Variants in ELAC1 observed in about 807,000 individuals in gnomAD.
ELAC1 encodes the protein elaC ribonuclease Z 1.
Under a neutral mutation model 25.8 loss-of-function variants are expected in ELAC1, and 19 were observed. That is an observed-to-expected ratio of 0.74 (90% CI 0.51 to 1.08). ELAC1 has a LOEUF of 1.08. ELAC1 is among the 50% of genes least tolerant of loss of function. ELAC1 has a pLI of 0.00. For missense variants in ELAC1, 403 were observed against 434.6 expected (o/e 0.93, Z 0.65); for synonymous variants, 148 against 160.9 (o/e 0.92, Z 0.61).
intron 3 of ELAC1, 175 bp downstream of exon 3, chr18:50,984,738 C>T (rs1908055226): frequency 3.3e-6 from 2 of 605,622 alleles, no homozygotes; most frequent in Non-Finnish European, 5.8e-6. Flanking sequence ...TCAAGACCAG[C>T]CTGGGCAACA....
chr18:50,980,763 GAAAAA>G (rs761954317), intron 2 of ELAC1, among the ~76,000 whole-genome samples: 1 of 67,842 alleles, frequency 1.5e-5, no homozygotes, highest in Non-Finnish European at 3.3e-5. Flanking sequence ...ACTCCATCTC[GAAAAA>G]AAAAAAAAAA....
chr18:50,978,222 C>T (rs1907846475), intron 2 of ELAC1, among the ~76,000 whole-genome samples: 2 of 152,192 alleles, frequency 1.3e-5, no homozygotes, highest in Non-Finnish European at 2.9e-5. Context: ...GTTCCAAAGT[C>T]ACTTCCACAT....
intron 2 of ELAC1, among the ~76,000 whole-genome samples, chr18:50,978,188 G>A (rs1418779764): frequency 6.6e-6 from 1 of 152,110 alleles, no homozygotes; most frequent in East Asian, 1.9e-4. Context: ...CCTCCAAACT[G>A]TTCCAGCCTC....
chr18:50,971,256 G>A (rs560873870), intron 1 of ELAC1, among the ~76,000 whole-genome samples: 4 of 152,090 alleles, frequency 2.6e-5, no homozygotes, highest in Non-Finnish European at 4.4e-5. Context: ...ATTATTCTCC[G>A]AAAGCCTAAT....
chr18:50,984,931 CA>C (rs950038009), intron 3 of ELAC1: 7,553 of 222,462 alleles, frequency 0.034, no homozygotes, highest in Middle Eastern at 0.062. Context: ...AACTCTGTCT[CA>C]AAAAAAAAAA....
intron 1 of ELAC1, among the ~76,000 whole-genome samples, chr18:50,974,096 T>A (rs1214355253): frequency 2.0e-5 from 3 of 152,242 alleles, no homozygotes. Context: ...CGATTTTTAC[T>A]GTCTCCATAG....
chr18:50,981,385 C>T (rs897286992), intron 2 of ELAC1, among the ~76,000 whole-genome samples: 1 of 151,764 alleles, frequency 6.6e-6, no homozygotes, highest in Non-Finnish European at 1.5e-5. Context: ...CTTGGCATAA[C>T]CTGCTTTTTT....
chr18:50,970,801 C>G (rs755160866), intron 1 of ELAC1, among the ~76,000 whole-genome samples: 1 of 151,790 alleles, frequency 6.6e-6, no homozygotes, highest in Non-Finnish European at 1.5e-5. Context: ...GTTAACCCCC[C>G]GCACAGCCCC....
At chr18:50,968,239 C>T (rs569226270) in intron 1 of ELAC1, 125 bp downstream of exon 1, 37 of 152,102 alleles carry the variant, frequency 2.4e-4, no homozygotes, top group African/African-American at 8.4e-4. Flanking sequence ...GGACGCGCCT[C>T]GTTCACCGCC....
intron 2 of ELAC1, among the ~76,000 whole-genome samples, chr18:50,977,679 T>TA (rs1907830267): frequency 6.6e-6 from 1 of 152,248 alleles, no homozygotes; most frequent in African/African-American, 2.4e-5. Flanking sequence ...CCTCATTACT[T>TA]ACACAAATTT....
intron 2 of ELAC1, among the ~76,000 whole-genome samples, chr18:50,978,301 C>G (rs1317046857): frequency 6.6e-6 from 1 of 152,028 alleles, no homozygotes; most frequent in Non-Finnish European, 1.5e-5. Flanking sequence ...CATTTTCATA[C>G]TGCTATGAAG....
At chr18:50,986,093 C>T (rs1292799734) in intron 3 of ELAC1, among the ~76,000 whole-genome samples, 1 of 141,594 alleles carries the variant, frequency 7.1e-6, no homozygotes, top group Admixed American at 7.6e-5. Context: ...TCAGCTCGCT[C>T]ACTGCAACTT....
intron 2 of ELAC1, among the ~76,000 whole-genome samples, chr18:50,981,493 A>G (rs557719354): frequency 2.4e-4 from 36 of 152,204 alleles, no homozygotes; most frequent in African/African-American, 8.2e-4. Context: ...TCAATATTCC[A>G]TTCCTCTGTG....
chr18:50,987,165 T>A lies in ELAC1; in HGVS notation c.*80T>A. 2 of 1,078,148 alleles carry A rather than the reference T, an allele frequency of 1.9e-6. No individual in the cohort carries two copies. The highest frequency in any genetic ancestry group is 2.6e-5 in the East Asian group (1 of 38,496). The allele number at this position is 1,078,148 out of a possible 1,614,324, so 66.8% of individuals were successfully genotyped here. On this transcript the variant is annotated 3_prime_UTR_variant, in exon 4 of 4. Coordinates refer to ENST00000269466, the MANE Select transcript of ELAC1 (RefSeq NM_018696.3). Reference sequence around the variant, plus strand: ...TAGTCCAGTTTTTTTATTTCTTGTTTTAGTCTGAAATTATTTGGGCCCTAA... The same window carrying A: ...TAGTCCAGTTTTTTTATTTCTTGTTATAGTCTGAAATTATTTGGGCCCTAA...
intron 2 of ELAC1, among the ~76,000 whole-genome samples, chr18:50,979,138 G>A (rs1907873280): frequency 6.6e-6 from 1 of 152,160 alleles, no homozygotes; most frequent in Admixed American, 6.5e-5. Context: ...GTTTGGCTGT[G>A]GGGATACATC....
intron 3 of ELAC1, 75 bp downstream of exon 3, chr18:50,984,638 A>C (rs1430939583): frequency 8.9e-7 from 1 of 1,121,660 alleles, no homozygotes; most frequent in Admixed American, 2.3e-5. Flanking sequence ...GCTATAAGAA[A>C]TGTCATAGTA....
intron 1 of ELAC1, 139 bp from the exon 2 acceptor site, chr18:50,974,257 GA>G (rs1164654468): frequency 1.1e-5 from 6 of 571,144 alleles, no homozygotes; most frequent in Non-Finnish European, 1.6e-5. Context: ...CCTTACTGTG[GA>G]TATGTGTGGA....
chr18:50,971,910 G>T (rs113233453), intron 1 of ELAC1, among the ~76,000 whole-genome samples: 1 of 64,186 alleles, frequency 1.6e-5, no homozygotes, highest in Non-Finnish European at 3.5e-5. Flanking sequence ...GTGTGTGTGT[G>T]TGTATATATA....
chr18:50,978,381 G>C (rs901743984), intron 2 of ELAC1, among the ~76,000 whole-genome samples: 10 of 152,166 alleles, frequency 6.6e-5, no homozygotes, highest in African/African-American at 2.4e-4. Context: ...GTTCCGCAAG[G>C]CTGGGGAGGC....
Sources: allele counts gnomAD v4.1 joint callset (sites outside exome capture counted in the v4.1 genomes callset), GRCh38; gene constraint gnomAD v4.1.1; transcripts MANE v1.5; gene names NCBI Gene and HGNC (gene_info 2026-07-23, HGNC 2026-07-21).